Variants in STPG2 observed in about 807,000 individuals in gnomAD.
STPG2 encodes sperm tail PG-rich repeat containing 2.
A neutral mutation model predicts 54.2 loss-of-function variants in STPG2; 56 were observed. That is an observed-to-expected ratio of 1.03 (90% CI 0.83 to 1.29). The LOEUF (loss-of-function observed/expected upper bound fraction) is 1.29. STPG2 is among the 50% of genes most tolerant of loss of function. The pLI, the probability that STPG2 is intolerant of heterozygous loss-of-function variation, is 0.00. For synonymous variants in STPG2, 200 were observed against 181.8 expected (o/e 1.10, Z -0.81); for missense variants, 596 against 544.9 (o/e 1.09, Z -0.93).
At chr4:97,587,368 T>C (rs548748606) in intron 10 of STPG2, among the ~76,000 whole-genome samples, 6 of 152,054 alleles carry the variant, frequency 3.9e-5, no homozygotes, top group Non-Finnish European at 5.9e-5. Flanking sequence ...TTCTTTGTGT[T>C]ATACTATTCT....
chr4:97,972,321 G>T lies in STPG2; in HGVS notation c.892C>A (p.Gln298Lys). 1 of 1,607,952 alleles carries T rather than the reference G, an allele frequency of 6.2e-7. No individual in the cohort carries two copies. Among genetic ancestry groups the T allele is most frequent in the South Asian group, 1.1e-5 (1 of 89,800 alleles). ...CCAGGGGTAGCACAAGCTTCTTTCT[G>T]AACCGAGAAGAAAGTCCGAGGAACA... ...SSVPRTFFSV[Q>K]KEACATPGPA... The change falls in exon 7 of 11, where the codon CAG becomes AAG. Residue 298 changes from glutamine (Q) to lysine (K), a missense_variant. Physicochemically the swap from Gln to Lys is moderately conservative, Grantham distance 53. Transcript: ENST00000295268.
intron 9 of STPG2, among the ~76,000 whole-genome samples, chr4:97,723,974 T>C (rs943944430): frequency 3.3e-5 from 5 of 152,330 alleles, no homozygotes; most frequent in African/African-American, 1.2e-4. Flanking sequence ...CCAAACCATA[T>C]CAGTAAGTTT....
At chr4:97,481,078 G>C (rs1730208833) in intron 4 of STPG2, among the ~76,000 whole-genome samples, 1 of 151,298 alleles carries the variant, frequency 6.6e-6, no homozygotes, top group Admixed American at 6.6e-5. Flanking sequence ...TGTTTTACAT[G>C]GCATGACATA....
intron 9 of STPG2, among the ~76,000 whole-genome samples, chr4:97,790,987 G>T (rs165238): frequency 0.58 from 87,959 of 151,934 alleles, 26,041 homozygotes; most frequent in East Asian, 0.74. Flanking sequence ...CATCAGTTAC[G>T]CAAATTCTAC....
intron 9 of STPG2, among the ~76,000 whole-genome samples, chr4:97,780,782 C>A (rs568191299): frequency 6.6e-6 from 1 of 151,970 alleles, no homozygotes; most frequent in Non-Finnish European, 1.5e-5. Flanking sequence ...GAAACTCACT[C>A]AAAACTGCTC....
intron 10 of STPG2, among the ~76,000 whole-genome samples, chr4:97,676,385 C>T (rs988034613): frequency 1.3e-5 from 2 of 151,976 alleles, no homozygotes; most frequent in African/African-American, 4.8e-5. Context: ...GAGTTCCCTA[C>T]ATCAATTTTT....
At chr4:97,804,022 C>T (rs1357714020) in intron 9 of STPG2, among the ~76,000 whole-genome samples, 1 of 152,184 alleles carries the variant, frequency 6.6e-6, no homozygotes, top group Admixed American at 6.5e-5. Context: ...GGAGAGGTTC[C>T]TATCTGTAGC....
intron 8 of STPG2, among the ~76,000 whole-genome samples, chr4:97,910,256 T>C (rs1229275376): frequency 6.6e-6 from 1 of 152,088 alleles, no homozygotes; most frequent in Non-Finnish European, 1.5e-5. Context: ...ACTAAGTAAA[T>C]AACAGCAAAA....
intron 8 of STPG2, among the ~76,000 whole-genome samples, chr4:97,878,330 A>T (rs899757770): frequency 6.6e-6 from 1 of 152,142 alleles, no homozygotes; most frequent in Non-Finnish European, 1.5e-5. Context: ...GCGGGGACTC[A>T]CACCCCACAT....
intron 8 of STPG2, among the ~76,000 whole-genome samples, chr4:97,919,755 G>A (rs1732026975): frequency 1.3e-5 from 2 of 151,840 alleles, no homozygotes; most frequent in Non-Finnish European, 1.5e-5. Context: ...ACTCAATCTT[G>A]GAAAAAACCT....
intron 9 of STPG2, among the ~76,000 whole-genome samples, chr4:97,717,368 T>C (rs1724322535): frequency 6.6e-6 from 1 of 152,182 alleles, no homozygotes; most frequent in African/African-American, 2.4e-5. Flanking sequence ...ACAAAGCCCC[T>C]AAGAAATGAA....
intron 9 of STPG2, among the ~76,000 whole-genome samples, chr4:97,781,669 T>C (rs888873197): frequency 2.0e-5 from 3 of 152,126 alleles, no homozygotes; most frequent in Non-Finnish European, 4.4e-5. Flanking sequence ...TGAACATCAA[T>C]GCAAAAATCA....
At chr4:98,001,993 C>T (rs558060657) in intron 5 of STPG2, among the ~76,000 whole-genome samples, 79 of 152,014 alleles carry the variant, frequency 5.2e-4, no homozygotes, top group South Asian at 8.3e-4. Context: ...GACATAAGGG[C>T]TGACAAAAAA....
intron 4 of STPG2, among the ~76,000 whole-genome samples, chr4:97,468,369 CTGAT>C (rs1456825605): frequency 5.3e-5 from 8 of 151,780 alleles, no homozygotes; most frequent in Admixed American, 2.6e-4. Context: ...CTTTTCTTTT[CTGAT>C]TGATTATCAA....
intron 5 of STPG2, among the ~76,000 whole-genome samples, chr4:98,091,939 C>A (rs1024146664): frequency 1.3e-5 from 2 of 151,932 alleles, no homozygotes; most frequent in Non-Finnish European, 1.5e-5. Flanking sequence ...ATTCCAAAGT[C>A]TGAATTCTTT....
At chr4:98,031,759 A>C (rs1248120912) in intron 5 of STPG2, among the ~76,000 whole-genome samples, 1 of 152,204 alleles carries the variant, frequency 6.6e-6, no homozygotes, top group Non-Finnish European at 1.5e-5. Context: ...CAAAAGGAAC[A>C]GTAAGCAGAG....
intron 8 of STPG2, among the ~76,000 whole-genome samples, chr4:97,850,308 A>AAATG: frequency 7.6e-6 from 1 of 131,962 alleles, no homozygotes; most frequent in Non-Finnish European, 1.7e-5. Flanking sequence ...AAAAATAAAT[A>AAATG]AATAAATAAA....
chr4:97,899,191 G>C (rs538126369), intron 8 of STPG2, among the ~76,000 whole-genome samples: 2 of 151,742 alleles, frequency 1.3e-5, no homozygotes, highest in Non-Finnish European at 1.5e-5. Context: ...GGCAAACTGA[G>C]AGCCAAATCA....
intron 4 of STPG2, among the ~76,000 whole-genome samples, chr4:97,512,162 A>AATT (rs1730987100): frequency 6.6e-6 from 1 of 152,136 alleles, no homozygotes; most frequent in African/African-American, 2.4e-5. Flanking sequence ...GTGTAAAACC[A>AATT]CAGGTAGTGA....
Sources: gnomAD v4.1 joint callset for allele counts (sites outside exome capture counted in the v4.1 genomes callset) on GRCh38, gnomAD v4.1.1 for gene constraint, MANE v1.5 for transcripts, NCBI Gene and HGNC (gene_info 2026-07-23, HGNC 2026-07-21) for gene names.